Variants in CBX3 observed in about 807,000 individuals in gnomAD.
The protein encoded by CBX3 is chromobox 3.
In CBX3, 5 loss-of-function variants were observed where a neutral mutation model predicts 22.6. The observed-to-expected ratio is 0.22, with a 90% CI of 0.12 to 0.47. The LOEUF (loss-of-function observed/expected upper bound fraction) is 0.47, where lower values mean the gene tolerates loss of function less well. Ranked by LOEUF, CBX3 falls within the 20% of genes least tolerant of loss-of-function variation. CBX3 has a pLI of 0.99. For missense variants in CBX3, 83 were observed against 208.1 expected, an observed-to-expected ratio of 0.40 and a Z score of 3.70; for synonymous variants, 50 against 66.6, an observed-to-expected ratio of 0.75 and a Z score of 1.21.
At chr7:26,202,736 T>G in intron 1 of CBX3, 1 of 494,632 alleles carries the variant, frequency 2.0e-6, no homozygotes, top group Non-Finnish European at 3.5e-6. Flanking sequence ...TTAAGCCATG[T>G]GAAGCTGTTT....
At chr7:26,205,345 T>C (rs1449901284) in intron 2 of CBX3, among the ~76,000 whole-genome samples, 2 of 152,210 alleles carry the variant, frequency 1.3e-5, no homozygotes, top group African/African-American at 4.8e-5. Flanking sequence ...ATAGACTTTC[T>C]CTTGAGAAAC....
At chr7:26,211,230 A>G (rs1297021125) in intron 4 of CBX3, among the ~76,000 whole-genome samples, 3 of 152,182 alleles carry the variant, frequency 2.0e-5, no homozygotes, top group Non-Finnish European at 4.4e-5. Context: ...GATAGTTGGT[A>G]TGAGTTTTAA....
At chr7:26,202,725 T>G in intron 1 of CBX3, 3 of 475,202 alleles carry the variant, frequency 6.3e-6, no homozygotes, top group African/African-American at 2.0e-5. Flanking sequence ...GGTCCCCTAT[T>G]TTAAGCCATG....
rs1698497445 is a variant in CBX3 at position 26,213,313 on chromosome 7, T to C, written c.*1105T>C. 2.3e-5 allele frequency: 1 copy of C among 42,624 alleles called. No individual in the cohort carries two copies. Among genetic ancestry groups the C allele is most frequent in the African/African-American group, 7.0e-5 (1 of 14,372 alleles). 2.6% of individuals were successfully genotyped at this position (42,624 alleles called of 1,614,324 possible). ...ATATTGTTTACTTTATTGTAAATAC[T>C]GGTGAACAGTGGTTAATAAATAGTT... On this transcript the variant is annotated 3_prime_UTR_variant, in exon 6 of 6. Transcript: ENST00000396386.
At position 26,213,139 on chromosome 7, in the gene CBX3, G is replaced by C. The variant is rs990434915; in HGVS notation, c.*931G>C. ...TTAGGACCTGCTGTCATAAATGTGT[G>C]AACAACCTTTTGTAACCTAACCTAT... On this transcript the variant is annotated 3_prime_UTR_variant, in exon 6 of 6. Transcript: ENST00000396386. 4 of 152,614 alleles carry C rather than the reference G, an allele frequency of 2.6e-5. No individual in the cohort carries two copies. The highest frequency in any genetic ancestry group is 9.6e-5 in the African/African-American group (4 of 41,474). 9.5% of individuals were successfully genotyped at this position (152,614 alleles called of 1,614,324 possible). A position where few individuals can be genotyped will look rare whatever the true frequency, so the allele number is the denominator to read the frequency against.
intron 1 of CBX3, 29 bp from the exon 2 acceptor site, chr7:26,202,940 AAC>A: frequency 2.8e-6 from 4 of 1,419,640 alleles, no homozygotes; most frequent in Non-Finnish European, 4.0e-6. Flanking sequence ...GTGTCATGCA[AAC>A]TTACCTTAAC....
chr7:26,208,349 A>G (rs772125116), intron 3 of CBX3, 44 bp from the exon 4 acceptor site: 16 of 1,471,848 alleles, frequency 1.1e-5, no homozygotes, highest in Admixed American at 2.1e-5. Context: ...GATGAATCAT[A>G]TTTAATTCAA....
At chr7:26,203,129 C>G (rs1405544144) in intron 2 of CBX3, 107 bp downstream of exon 2, 1 of 667,742 alleles carries the variant, frequency 1.5e-6, no homozygotes, top group Non-Finnish European at 2.5e-6. Context: ...CACATATTTC[C>G]CAGCTCTCCC....
intron 4 of CBX3, among the ~76,000 whole-genome samples, chr7:26,209,286 T>G (rs1784753773): frequency 6.6e-6 from 1 of 152,192 alleles, no homozygotes; most frequent in Non-Finnish European, 1.5e-5. Context: ...ATTTTAATAC[T>G]TAGGACAATA....
chr7:26,208,245 G>A, intron 3 of CBX3, 148 bp from the exon 4 acceptor site: 1 of 535,522 alleles, frequency 1.9e-6, no homozygotes, highest in Non-Finnish European at 3.2e-6. Flanking sequence ...CTGGGGGGTG[G>A]GGTAATGTAG....
At chr7:26,208,116 A>G (rs1448386744) in intron 3 of CBX3, 5 of 228,616 alleles carry the variant, frequency 2.2e-5, no homozygotes, top group African/African-American at 1.1e-4. Flanking sequence ...AGTCCCAGCT[A>G]CTTGGGCTGA....
At position 26,206,327 on chromosome 7, in the gene CBX3, CAA is replaced by C. The variant is rs1416989332; in HGVS notation, c.25-40_25-39del. ...GAGCCTTGAAAATGTGCTCAAAATT[CAA>C]GAGGAATATTTCTTAATTTCTCTTT... On this transcript the variant is annotated intron_variant, in intron 2 of 5. Transcript: ENST00000396386. The C allele has an allele frequency of 2.2e-6, 3 of 1,366,966 alleles. No homozygotes were observed. The African/African-American group carries it at 4.4e-5, about 20-fold the overall frequency. 84.7% of individuals were successfully genotyped at this position (1,366,966 alleles called of 1,614,324 possible).
At chr7:26,202,180 C>G (rs1784508258) in intron 1 of CBX3, 1 of 151,942 alleles carries the variant, frequency 6.6e-6, no homozygotes, top group Non-Finnish European at 1.5e-5. Context: ...ACTTGGGCCT[C>G]CCGGAGGGCG....
At chr7:26,204,166 G>C (rs1784620346) in intron 2 of CBX3, among the ~76,000 whole-genome samples, 1 of 150,064 alleles carries the variant, frequency 6.7e-6, no homozygotes, top group Admixed American at 6.6e-5. Context: ...AGAAAATAGT[G>C]AGCATTTGAA....
At chr7:26,210,822 G>A (rs778316525) in intron 4 of CBX3, among the ~76,000 whole-genome samples, 11 of 151,962 alleles carry the variant, frequency 7.2e-5, no homozygotes, top group East Asian at 1.9e-4. Context: ...TTGCTGTGGC[G>A]GATCATTTTG....
rs550631962 is a variant in CBX3 at position 26,208,192 on chromosome 7, C to T, written c.168-201C>T. 34 of 410,562 alleles carry T rather than the reference C, an allele frequency of 8.3e-5. No homozygotes were observed. In the East Asian group the frequency reaches 1.0e-3, roughly 13 times the overall value. 25.4% of individuals were successfully genotyped at this position (410,562 alleles called of 1,614,324 possible). A position where few individuals can be genotyped will look rare whatever the true frequency, so the allele number is the denominator to read the frequency against. ...AGCTATGATTCCACTACTGCACTCTCGTCTGGGCAACAAAGCAAGACCCTG... is the reference window on the plus strand; with the variant it reads ...AGCTATGATTCCACTACTGCACTCTTGTCTGGGCAACAAAGCAAGACCCTG... On this transcript the variant is annotated intron_variant, in intron 3 of 5. Transcript: ENST00000396386.
chr7:26,205,169 T>C (rs1434468849), intron 2 of CBX3, among the ~76,000 whole-genome samples: 1 of 152,198 alleles, frequency 6.6e-6, no homozygotes, highest in Admixed American at 6.5e-5. Context: ...TTTCAGGGTT[T>C]TTTTTCCCCC....
chr7:26,210,281 G>A (rs999965010), intron 4 of CBX3: 3 of 152,222 alleles, frequency 2.0e-5, no homozygotes, highest in African/African-American at 7.2e-5. Context: ...AACGGAGCAA[G>A]ACCTTGTCTC....
At chr7:26,209,475 C>G (rs1784757711) in intron 4 of CBX3, among the ~76,000 whole-genome samples, 1 of 152,130 alleles carries the variant, frequency 6.6e-6, no homozygotes, top group African/African-American at 2.4e-5. Context: ...TTATCGAAAG[C>G]CTTTGCACTA....
Sources: gnomAD v4.1 joint callset for allele counts (sites outside exome capture counted in the v4.1 genomes callset) on GRCh38, gnomAD v4.1.1 for gene constraint, MANE v1.5 for transcripts, NCBI Gene and HGNC (gene_info 2026-07-23, HGNC 2026-07-21) for gene names.